Variants in DPP6 observed in about 807,000 individuals in gnomAD.
The protein encoded by DPP6 is dipeptidyl peptidase like 6.
A neutral mutation model predicts 122.6 loss-of-function variants in DPP6; 69 were observed. The ratio of observed to expected loss-of-function variants is 0.56; its 90% CI spans 0.46 to 0.69. The LOEUF is 0.69. Ranked by LOEUF, DPP6 falls within the 30% of genes least tolerant of loss-of-function variation. The pLI is 0.00. For synonymous variants in DPP6, 418 were observed against 433.1 expected, an observed-to-expected ratio of 0.97 and a Z score of 0.43; for missense variants, 928 against 1,116.9, an observed-to-expected ratio of 0.83 and a Z score of 2.41.
intron 1 of DPP6, among the ~76,000 whole-genome samples, chr7:153,951,547 C>T (rs1441918122): frequency 6.6e-6 from 1 of 152,206 alleles, no homozygotes; most frequent in East Asian, 1.9e-4. Context: ...GTCTGGATCC[C>T]TCCCCCTGGC....
At chr7:153,884,973 C>T (rs1024488488), upstream of DPP6, among the ~76,000 whole-genome samples, 3 of 117,514 alleles carry the variant, frequency 2.6e-5, no homozygotes, top group Admixed American at 9.6e-5. Context: ...AGCAAGACTC[C>T]GTCTCAAAAC....
At chr7:153,834,164 G>A in the DPP6 span, among the ~76,000 whole-genome samples, 1 of 151,896 alleles carries the variant, frequency 6.6e-6, no homozygotes, top group Admixed American at 6.6e-5. Flanking sequence ...GTGGGCGCCT[G>A]TAGTCCCAGC....
intron 1 of DPP6, among the ~76,000 whole-genome samples, chr7:154,230,740 G>T (rs962294931): frequency 6.6e-6 from 1 of 152,188 alleles, no homozygotes; most frequent in Non-Finnish European, 1.5e-5. Flanking sequence ...TCCAAAAGTG[G>T]CCTTGCAGAT....
At chr7:154,061,428 A>C (rs2429607) in intron 1 of DPP6, among the ~76,000 whole-genome samples, 7 of 142,948 alleles carry the variant, frequency 4.9e-5, no homozygotes, top group Non-Finnish European at 9.4e-5. Flanking sequence ...GGTAGCCTAC[A>C]TCTCTAAACA....
At chr7:154,369,073 G>T (rs1370194471) in intron 1 of DPP6, among the ~76,000 whole-genome samples, 1 of 152,068 alleles carries the variant, frequency 6.6e-6, no homozygotes, top group Non-Finnish European at 1.5e-5. Context: ...ATCATGATGG[G>T]TGTTTCTTTT....
At chr7:154,340,250 T>C (rs1809812067) in intron 1 of DPP6, among the ~76,000 whole-genome samples, 1 of 152,250 alleles carries the variant, frequency 6.6e-6, no homozygotes, top group Admixed American at 6.5e-5. Flanking sequence ...AAAATCTTAA[T>C]GCTTTAATGA....
At chr7:154,672,488 C>T (rs1453179540) in intron 7 of DPP6, among the ~76,000 whole-genome samples, 31 of 152,198 alleles carry the variant, frequency 2.0e-4, no homozygotes, top group Admixed American at 2.0e-3. Flanking sequence ...GGTTTCAAAC[C>T]ACTTCAGCAT....
At chr7:153,762,561 A>G in the DPP6 span, among the ~76,000 whole-genome samples, 5 of 151,968 alleles carry the variant, frequency 3.3e-5, no homozygotes, top group Non-Finnish European at 5.9e-5. Context: ...ACCTGAGGTC[A>G]GGAATTCGAG....
chr7:154,313,729 GCA>G (rs200018112), intron 1 of DPP6, among the ~76,000 whole-genome samples: 22,845 of 59,500 alleles, frequency 0.38, 8,322 homozygotes, highest in South Asian at 0.56. Flanking sequence ...ACACACGCAC[GCA>G]CACACACACA....
chr7:154,302,606 A>G (rs1425324150), intron 1 of DPP6, among the ~76,000 whole-genome samples: 1 of 152,190 alleles, frequency 6.6e-6, no homozygotes, highest in Non-Finnish European at 1.5e-5. Context: ...AAGCAATCTG[A>G]TCCCAGCAGG....
chr7:153,768,972 G>A, the DPP6 span, among the ~76,000 whole-genome samples: 1 of 152,130 alleles, frequency 6.6e-6, no homozygotes, highest in Non-Finnish European at 1.5e-5. Context: ...TGTCCACTTA[G>A]CAATTTGGTC....
chr7:153,882,156 C>A (rs1007373382), upstream of DPP6, among the ~76,000 whole-genome samples: 17 of 152,248 alleles, frequency 1.1e-4, 1 homozygote, highest in Admixed American at 9.8e-4. Flanking sequence ...TATTATCATA[C>A]CTGTGTGATT....
chr7:154,641,274 T>C (rs1246419738), intron 6 of DPP6, among the ~76,000 whole-genome samples: 2 of 152,218 alleles, frequency 1.3e-5, no homozygotes, highest in African/African-American at 2.4e-5. Context: ...TGTTTGACTT[T>C]GACATACCAA....
rs1231299788 is a variant in DPP6, at chr7:154,602,673, T to G, written c.628-35148T>G. On this transcript the variant is annotated intron_variant, in intron 5 of 25. Coordinates refer to ENST00000377770, the MANE Select transcript of DPP6 (RefSeq NM_130797.4). ...CTCGAACTCCTGACCTCAGGTGATCTGTCTGCCTCGGCCTCCCAAAGTTTT... is the reference window on the plus strand; with the variant it reads ...CTCGAACTCCTGACCTCAGGTGATCGGTCTGCCTCGGCCTCCCAAAGTTTT... 1.7e-5 allele frequency among the ~76,000 whole-genome samples: 2 copies of G among 119,464 alleles called. 1 individual carries two copies. Among genetic ancestry groups the G allele is most frequent in the Admixed American group, 1.9e-4 (2 of 10,540 alleles). 78.4% of individuals were successfully genotyped at this position (119,464 alleles called of 152,430 possible). A position where few individuals can be genotyped will look rare whatever the true frequency, so the allele number is the denominator to read the frequency against.
intron 1 of DPP6, among the ~76,000 whole-genome samples, chr7:154,255,879 G>A (rs182426736): frequency 6.6e-6 from 1 of 152,230 alleles, no homozygotes; most frequent in Admixed American, 6.5e-5. Flanking sequence ...TAAATACTTG[G>A]TGTTTTATTT....
At chr7:154,191,089 G>T (rs1257802924) in intron 1 of DPP6, among the ~76,000 whole-genome samples, 1 of 152,284 alleles carries the variant, frequency 6.6e-6, no homozygotes, top group Admixed American at 6.5e-5. Context: ...TGAATCAGGG[G>T]TCTGTTGATA....
At chr7:154,594,049 G>A (rs1832950792) in intron 5 of DPP6, among the ~76,000 whole-genome samples, 1 of 152,196 alleles carries the variant, frequency 6.6e-6, no homozygotes, top group Non-Finnish European at 1.5e-5. Flanking sequence ...CACCTGGGGA[G>A]TGGTTGTAGA....
chr7:153,841,950 C>T, the DPP6 span, among the ~76,000 whole-genome samples: 1 of 152,304 alleles, frequency 6.6e-6, no homozygotes, highest in African/African-American at 2.4e-5. Flanking sequence ...CTAAATTCTT[C>T]TATATGATTC....
At chr7:154,654,278 T>C (rs1837080521) in intron 6 of DPP6, among the ~76,000 whole-genome samples, 1 of 152,086 alleles carries the variant, frequency 6.6e-6, no homozygotes, top group African/African-American at 2.4e-5. Context: ...TGATCATATA[T>C]GTTAAAAGCA....
Sources: gnomAD v4.1 joint callset for allele counts (sites outside exome capture counted in the v4.1 genomes callset) on GRCh38, gnomAD v4.1.1 for gene constraint, MANE v1.5 for transcripts, NCBI Gene and HGNC (gene_info 2026-07-23, HGNC 2026-07-21) for gene names.